STK32C: variants seen among roughly 807,000 people sequenced by gnomAD.
STK32C encodes serine/threonine kinase 32C.
STK32C carries 31 observed loss-of-function variants against 56.5 expected under a neutral mutation model. The ratio of observed to expected loss-of-function variants is 0.55; its 90% CI spans 0.41 to 0.74. The LOEUF (loss-of-function observed/expected upper bound fraction) is 0.74. Ranked by LOEUF, STK32C falls within the 30% of genes least tolerant of loss-of-function variation. The pLI is 0.00. For missense variants in STK32C, 544 were observed against 676.9 expected (o/e 0.80, Z 2.18); for synonymous variants, 309 against 289.4 (o/e 1.07, Z -0.69).
chr10:132,286,402 A>C (rs188665967), intron 1 of STK32C, among the ~76,000 whole-genome samples: 1 of 152,360 alleles, frequency 6.6e-6, no homozygotes, highest in Non-Finnish European at 1.5e-5. Context: ...CAGAAAATTG[A>C]GAAGAGAACA....
At chr10:132,281,863 T>C (rs2065218690) in intron 1 of STK32C, among the ~76,000 whole-genome samples, 3 of 152,198 alleles carry the variant, frequency 2.0e-5, no homozygotes. Flanking sequence ...GCAACTTCTC[T>C]GACGATGGCT....
At chr10:132,240,519 C>T (rs1404047817) in intron 2 of STK32C, among the ~76,000 whole-genome samples, 4 of 152,168 alleles carry the variant, frequency 2.6e-5, no homozygotes, top group African/African-American at 9.7e-5. Flanking sequence ...ACCTTCTTCA[C>T]CCACAAACAT....
intron 10 of STK32C, among the ~76,000 whole-genome samples, chr10:132,218,588 A>G (rs2137627903): frequency 6.6e-6 from 1 of 152,316 alleles, no homozygotes; most frequent in East Asian, 1.9e-4. Context: ...GAACCCTCAC[A>G]CACTGCTGGT....
intron 1 of STK32C, among the ~76,000 whole-genome samples, chr10:132,273,027 T>A (rs1385072335): frequency 6.6e-6 from 1 of 152,144 alleles, no homozygotes; most frequent in Non-Finnish European, 1.5e-5. Context: ...ATATCCCTAT[T>A]TAGTGTGTCG....
At chr10:132,319,628 C>A (rs1306030557), downstream of STK32C, among the ~76,000 whole-genome samples, 11 of 152,212 alleles carry the variant, frequency 7.2e-5, no homozygotes, top group Non-Finnish European at 1.3e-4. Flanking sequence ...ATTGTCCAGG[C>A]AAATGTGTAG....
intron 2 of STK32C, among the ~76,000 whole-genome samples, chr10:132,232,379 C>T (rs1018981397): frequency 3.3e-5 from 5 of 152,190 alleles, no homozygotes; most frequent in Non-Finnish European, 4.4e-5. Context: ...CAGGCTCCCT[C>T]GGGCCCCTGA....
chr10:132,274,691 C>T (rs1475699130), intron 1 of STK32C, among the ~76,000 whole-genome samples: 9 of 152,202 alleles, frequency 5.9e-5, no homozygotes, highest in Non-Finnish European at 7.3e-5. Flanking sequence ...AGAATAAACC[C>T]GGCTGAGCGC....
At chr10:132,232,052 C>A (rs925711990) in intron 2 of STK32C, among the ~76,000 whole-genome samples, 1 of 152,256 alleles carries the variant, frequency 6.6e-6, no homozygotes, top group African/African-American at 2.4e-5. Flanking sequence ...CCTGATAACA[C>A]CCTGCAGACT....
chr10:132,297,521 C>T (rs780019335), intron 1 of STK32C, among the ~76,000 whole-genome samples: 9 of 152,224 alleles, frequency 5.9e-5, no homozygotes, highest in Non-Finnish European at 8.8e-5. Context: ...TTTTTTCCTC[C>T]CCTTTTCCTT....
intron 1 of STK32C, among the ~76,000 whole-genome samples, chr10:132,260,389 G>A (rs1179980569): frequency 6.6e-6 from 1 of 152,072 alleles, no homozygotes; most frequent in Non-Finnish European, 1.5e-5. Flanking sequence ...GCCGGAGCCA[G>A]CGCGAAATCC....
chr10:132,285,177 A>G (rs7915988), intron 1 of STK32C, among the ~76,000 whole-genome samples: 4,988 of 115,260 alleles, frequency 0.043, 254 homozygotes, highest in African/African-American at 0.13. Flanking sequence ...GCATGAACCC[A>G]GAACACATTC....
chr10:132,331,797 T>C, exon 1 of STK32C: 2 of 1,599,172 alleles, frequency 1.3e-6, no homozygotes, highest in Non-Finnish European at 8.5e-7. Flanking sequence ...TCGCGGTCTC[T>C]ACTTGCCCGT....
At position 132,225,650 on chromosome 10, in the gene STK32C, G is replaced by C. The variant is rs746467023; in HGVS notation, c.683-34C>G. The stretch of plus-strand genomic sequence containing the variant: ...AGAGGGGTCAGGTGTGGCTGTCCCA[G>C]GACCAGAGATGCATCCTTGCGTGCA... On this transcript the variant is annotated intron_variant, in intron 5 of 11. Transcript: ENST00000298630. 15 of 1,608,192 alleles carry C rather than the reference G, an allele frequency of 9.3e-6. No individual in the cohort carries two copies. The South Asian group carries it at 1.7e-4, about 18-fold the overall frequency.
At chr10:132,318,435 G>C (rs895662331) in intron 1 of STK32C, among the ~76,000 whole-genome samples, 5 of 151,674 alleles carry the variant, frequency 3.3e-5, no homozygotes, top group African/African-American at 1.2e-4. Context: ...AGCCAACATA[G>C]GAAAACCTGT....
intron 1 of STK32C, among the ~76,000 whole-genome samples, chr10:132,275,173 C>T (rs1312047229): frequency 6.6e-6 from 1 of 152,224 alleles, no homozygotes; most frequent in African/African-American, 2.4e-5. Flanking sequence ...GCCCTGACAG[C>T]AGCCATGGGA....
chr10:132,216,396 G>A (rs932850541), intron 10 of STK32C, among the ~76,000 whole-genome samples: 4 of 151,622 alleles, frequency 2.6e-5, no homozygotes, highest in Non-Finnish European at 4.4e-5. Context: ...CTTAGGAAGC[G>A]GAGGTTGCAG....
chr10:132,286,034 G>A (rs2065392892), intron 1 of STK32C, among the ~76,000 whole-genome samples: 1 of 151,954 alleles, frequency 6.6e-6, no homozygotes, highest in African/African-American at 2.4e-5. Context: ...GCTGAGGCAG[G>A]AGAATGGCGT....
chr10:132,275,858 C>T (rs997278018), intron 1 of STK32C, among the ~76,000 whole-genome samples: 5 of 152,230 alleles, frequency 3.3e-5, no homozygotes, highest in East Asian at 3.8e-4. Flanking sequence ...CACCTCCTGG[C>T]ATCTCTGAGA....
At chr10:132,280,672 G>GTGATCACCACACTCCACTCCA (rs1564773040) in intron 1 of STK32C, among the ~76,000 whole-genome samples, 9 of 140,412 alleles carry the variant, frequency 6.4e-5, no homozygotes. Context: ...ACTCCACTCC[G>GTGATCACCACACTCCACTCCA]TGATCACGCA....
Sources: allele counts gnomAD v4.1 joint callset (sites outside exome capture counted in the v4.1 genomes callset), GRCh38; gene constraint gnomAD v4.1.1; transcripts MANE v1.5; gene names NCBI Gene and HGNC (gene_info 2026-07-23, HGNC 2026-07-21).